MYH16: variants seen among roughly 807,000 people sequenced by gnomAD.
MYH16 encodes the protein putative uncharacterized protein MYH16.
chr7:99,294,147 GA>G (rs1191846293), exon 33 of MYH16: 1 of 455,540 alleles, frequency 2.2e-6, no homozygotes, highest in South Asian at 1.6e-5. Flanking sequence ...TCGACTTGGA[GA>G]AGGTCAGAGA....
intron 30 of MYH16, chr7:99,290,820 T>TC (rs1443968968): frequency 6.9e-6 from 1 of 144,410 alleles, no homozygotes; most frequent in Non-Finnish European, 1.5e-5. Flanking sequence ...AAAAAAAAAA[T>TC]CAATATCCCC....
intron 20 of MYH16, among the ~76,000 whole-genome samples, chr7:99,274,669 CTTTTT>C (rs745470963): frequency 0.011 from 1,311 of 117,604 alleles, 19 homozygotes; most frequent in African/African-American, 0.048. Context: ...CATTAATTCA[CTTTTT>C]TTTTTTTTTT....
rs1483667959 is a variant in MYH16 at position 99,298,012 on chromosome 7, A to AT, written n.4740+18dup. 2.2e-6 allele frequency: 1 copy of AT among 456,520 alleles called. No individual in the cohort carries two copies. The highest frequency in any genetic ancestry group is 2.0e-5 in the African/African-American group (1 of 50,054). The allele number at this position is 456,520 out of a possible 1,614,324, so 28.3% of individuals were successfully genotyped here. On this transcript the variant is annotated intron_variant and non_coding_transcript_variant, in intron 36 of 41. Coordinates refer to ENST00000439784, the Ensembl canonical transcript of MYH16. ...GGCTACCAGGTATGGAGCTGGTGGGATGGGAGGCTGACTCTTGGGAAGTGT... is the reference window on the plus strand; with the variant it reads ...GGCTACCAGGTATGGAGCTGGTGGGATTGGGAGGCTGACTCTTGGGAAGTGT...
intron 23 of MYH16, among the ~76,000 whole-genome samples, chr7:99,281,268 A>G (rs1792195710): frequency 6.6e-6 from 1 of 152,140 alleles, no homozygotes; most frequent in Non-Finnish European, 1.5e-5. Context: ...ATGAACAATT[A>G]TGAATCATCT....
intron 33 of MYH16, among the ~76,000 whole-genome samples, chr7:99,295,528 G>T (rs1792471377): frequency 6.6e-6 from 1 of 152,104 alleles, no homozygotes; most frequent in Admixed American, 6.6e-5. Context: ...AATTAAATAG[G>T]ATTTCCACTG....
chr7:99,263,947 A>G (rs1791963888), intron 14 of MYH16, among the ~76,000 whole-genome samples: 1 of 152,148 alleles, frequency 6.6e-6, no homozygotes, highest in Admixed American at 6.5e-5. Context: ...ACCTTCTCCC[A>G]TGGTCTATGG....
At chr7:99,310,874 G>A (rs12538893), downstream of MYH16, 26,169 of 152,142 alleles carry the variant, frequency 0.17, 3,368 homozygotes, top group African/African-American at 0.37. Context: ...AATAAAGAGC[G>A]CTATGGTGGA....
intron 33 of MYH16, among the ~76,000 whole-genome samples, chr7:99,296,405 G>A (rs185014304): frequency 5.3e-4 from 80 of 152,008 alleles, no homozygotes; most frequent in African/African-American, 1.8e-3. Flanking sequence ...TGGGAAGGCC[G>A]CTGTGGCCCA....
intron 30 of MYH16, among the ~76,000 whole-genome samples, chr7:99,290,313 C>T (rs1792350323): frequency 6.7e-6 from 1 of 149,362 alleles, no homozygotes; most frequent in Non-Finnish European, 1.5e-5. Flanking sequence ...GCAAGACCCC[C>T]ATCTCTACAA....
rs149600134 is a variant in MYH16, at chr7:99,296,644, G to A, written n.4283-57G>A. 4.8e-3 allele frequency: 2,162 copies of A among 448,384 alleles called. 14 individuals are homozygous for A. Among genetic ancestry groups the A allele is most frequent in the Middle Eastern group, 8.4e-3 (12 of 1,430 alleles). 27.8% of individuals were successfully genotyped at this position (448,384 alleles called of 1,614,324 possible). A position where few individuals can be genotyped will look rare whatever the true frequency, so the allele number is the denominator to read the frequency against. On this transcript the variant is annotated intron_variant and non_coding_transcript_variant, in intron 33 of 41. Transcript: ENST00000439784. Reference sequence around the variant, plus strand: ...AAGAGAGGTTGGTGGGGGGGTGGGAGTAGGGGACAGAGGCAAGGAGGTTGG... The same window carrying A: ...AAGAGAGGTTGGTGGGGGGGTGGGAATAGGGGACAGAGGCAAGGAGGTTGG...
At chr7:99,297,580 A>G in intron 34 of MYH16, 80 bp from the exon 16 acceptor site, 1 of 402,524 alleles carries the variant, frequency 2.5e-6, no homozygotes, top group Middle Eastern at 8.0e-4. Context: ...CCTGCTTCTT[A>G]CCCCAATGGA....
intron 23 of MYH16, among the ~76,000 whole-genome samples, chr7:99,281,234 G>A (rs1186227712): frequency 3.9e-5 from 6 of 152,162 alleles, no homozygotes; most frequent in African/African-American, 9.7e-5. Context: ...AACTAGGACA[G>A]TTTTGAGAGC....
At chr7:99,239,260 C>T (rs1313534301) in intron 1 of MYH16, among the ~76,000 whole-genome samples, 1 of 152,230 alleles carries the variant, frequency 6.6e-6, no homozygotes, top group Non-Finnish European at 1.5e-5. Context: ...AGACAGATCA[C>T]ATGAAAGCAC....
intron 1 of MYH16, among the ~76,000 whole-genome samples, chr7:99,240,278 T>C (rs936472381): frequency 5.9e-5 from 9 of 152,172 alleles, no homozygotes; most frequent in Non-Finnish European, 1.3e-4. Flanking sequence ...AAACCCACTG[T>C]ATCTGGCTCA....
chr7:99,291,042 T>A (rs982013200), intron 30 of MYH16: 16 of 182,964 alleles, frequency 8.7e-5, no homozygotes, highest in Admixed American at 3.0e-4. Context: ...CAAACTCTTC[T>A]GCTGCATCTC....
intron 32 of MYH16, among the ~76,000 whole-genome samples, chr7:99,293,637 C>G (rs1226952575): frequency 1.4e-4 from 21 of 152,200 alleles, no homozygotes; most frequent in Admixed American, 1.4e-3. Context: ...CCCCCTCCCA[C>G]CTGGACTGCC....
intron 36 of MYH16, among the ~76,000 whole-genome samples, chr7:99,299,066 A>T (rs1426113195): frequency 7.0e-6 from 1 of 142,508 alleles, no homozygotes; most frequent in Non-Finnish European, 1.5e-5. Context: ...GCTCTACAAA[A>T]AAAAAATAAA....
intron 8 of MYH16, among the ~76,000 whole-genome samples, chr7:99,255,134 T>C (rs1217586842): frequency 6.6e-6 from 1 of 152,112 alleles, no homozygotes; most frequent in African/African-American, 2.4e-5. Flanking sequence ...CTAGGTGTGG[T>C]GGTGGGCACC....
At chr7:99,252,274 T>C (rs1477402189) in intron 6 of MYH16, among the ~76,000 whole-genome samples, 1 of 152,056 alleles carries the variant, frequency 6.6e-6, no homozygotes. Context: ...AGCAATGCCC[T>C]GGCCTCGTCT....
Sources: allele counts gnomAD v4.1 joint callset (sites outside exome capture counted in the v4.1 genomes callset), GRCh38; gene constraint gnomAD v4.1.1; transcripts MANE v1.5; gene names NCBI Gene and HGNC (gene_info 2026-07-23, HGNC 2026-07-21).